GLI2: variants seen among roughly 807,000 people sequenced by gnomAD.
GLI2 encodes transcription activator GLI2.
In GLI2, 22 loss-of-function variants were observed where a neutral mutation model predicts 78.9. The observed-to-expected ratio is 0.28, with a 90% CI of 0.20 to 0.40. GLI2 has a LOEUF of 0.40. Ranked by LOEUF, GLI2 falls within the 10% of genes least tolerant of loss-of-function variation. The probability of loss-of-function intolerance (pLI) is 1.00; values close to 1 mark genes in which losing one functional copy is unlikely to be tolerated. For synonymous variants in GLI2, 974 were observed against 963.7 expected (o/e 1.01, Z -0.20); for missense variants, 2,097 against 2,213.2 (o/e 0.95, Z 1.05).
intron 1 of GLI2, among the ~76,000 whole-genome samples, chr2:120,753,321 CGTGACTTCAGGTGATCTA>C (rs1682935443): frequency 1.3e-5 from 2 of 152,080 alleles, no homozygotes; most frequent in Non-Finnish European, 2.9e-5. Context: ...GTTTCAAACT[CGTGACTTCAGGTGATCTA>C]CCTGCGTCGA....
chr2:120,904,866 G>C (rs1003746395), intron 2 of GLI2, among the ~76,000 whole-genome samples: 1 of 152,200 alleles, frequency 6.6e-6, no homozygotes, highest in African/African-American at 2.4e-5. Context: ...TGGCCCCTGT[G>C]CTTCGGCCTC....
chr2:120,841,814 G>C (rs1686885251), intron 2 of GLI2, among the ~76,000 whole-genome samples: 1 of 150,304 alleles, frequency 6.7e-6, no homozygotes, highest in African/African-American at 2.5e-5. Flanking sequence ...TGGTTCCCCA[G>C]TTGGGAGGAG....
rs114466550 is a variant in GLI2 at position 120,919,944 on chromosome 2, C to T, written c.149-7417C>T. 3.7e-3 allele frequency among the ~76,000 whole-genome samples: 570 copies of T among 152,366 alleles called. 2 individuals carry two copies. The highest frequency in any genetic ancestry group is 0.012 in the African/African-American group (481 of 41,592). On this transcript the variant is annotated intron_variant, in intron 2 of 13. Coordinates refer to ENST00000361492, the MANE Select transcript of GLI2 (RefSeq NM_001374353.1). ...GCACTGAGATGTGTTTGCGCTGCCTCGTCGTAACACAGACCTGTATGGTGC... is the reference window on the plus strand; with the variant it reads ...GCACTGAGATGTGTTTGCGCTGCCTTGTCGTAACACAGACCTGTATGGTGC...
intron 2 of GLI2, among the ~76,000 whole-genome samples, chr2:120,906,546 C>G (rs1383254293): frequency 1.3e-5 from 2 of 152,148 alleles, no homozygotes; most frequent in East Asian, 3.9e-4. Context: ...TCTTTACACA[C>G]TGGCCGTGTA....
rs1677962082 is a variant in GLI2, at chr2:120,896,655, A to G, written c.149-30706A>G. Reference sequence around the variant, plus strand: ...AACACACATACACACACACACACACACACACATACACCCACCCCCCCACAC... The same window carrying G: ...AACACACATACACACACACACACACGCACACATACACCCACCCCCCCACAC... On this transcript the variant is annotated intron_variant, in intron 2 of 13. Transcript: ENST00000361492. 8.6e-5 allele frequency among the ~76,000 whole-genome samples: 5 copies of G among 58,138 alleles called. No homozygotes were observed. The South Asian group carries it at 4.4e-3, about 51-fold the overall frequency. The allele number at this position is 58,138 out of a possible 152,430, so 38.1% of individuals were successfully genotyped here.
chr2:120,961,666 G>A lies in GLI2; in HGVS notation c.643+6236G>A, dbSNP rs184773890. On this transcript the variant is annotated intron_variant, in intron 5 of 13. Transcript: ENST00000361492. ...GGGTGAGAGGGCTGTGGATGGCTAG[G>A]TGTGGGGGGCATTAAGGTCCTCAGG... Among the ~76,000 whole-genome samples, 89 of 152,304 alleles carry A rather than the reference G, an allele frequency of 5.8e-4. No homozygotes were observed. In the East Asian group the frequency reaches 0.015, roughly 25 times the overall value.
At chr2:120,836,433 G>A (rs1686614337) in intron 2 of GLI2, among the ~76,000 whole-genome samples, 1 of 152,066 alleles carries the variant, frequency 6.6e-6, no homozygotes, top group Non-Finnish European at 1.5e-5. Context: ...CTCCGTAGAC[G>A]CCACAATAAA....
rs1375945140 is a variant in GLI2, at chr2:120,988,543, G to A, written c.2578G>A (p.Gly860Arg). 8 of 1,504,096 alleles carry A rather than the reference G, an allele frequency of 5.3e-6. No homozygotes were observed. The highest frequency in any genetic ancestry group is 2.7e-5 in the East Asian group (1 of 36,746). 93.2% of individuals were successfully genotyped at this position (1,504,096 alleles called of 1,614,324 possible). ...SEASQCSGGS[G>R]LLNLTPAQQY... ...GGCCAGCCAGTGCAGCGGCGGCTCC[G>A]GGCTGCTCAACCTCACGCCGGCGCA... Residue 860 changes from glycine to arginine, a missense_variant, in exon 14 of 14, where the codon GGG becomes AGG. Coordinates refer to ENST00000361492, the MANE Select transcript of GLI2 (RefSeq NM_001374353.1).
chr2:120,748,931 TCCATCCATCTAC>T (rs1343342660), intron 1 of GLI2, among the ~76,000 whole-genome samples: 1 of 152,024 alleles, frequency 6.6e-6, no homozygotes, highest in African/African-American at 2.4e-5. Context: ...CACCCATTCA[TCCATCCATCTAC>T]CCATCCATCC....
chr2:120,823,453 G>C (rs546404993), intron 2 of GLI2, among the ~76,000 whole-genome samples: 1 of 152,150 alleles, frequency 6.6e-6, no homozygotes, highest in African/African-American at 2.4e-5. Flanking sequence ...GACATCACTC[G>C]CCCAGTACAC....
rs536612830 is a variant in GLI2 at position 120,807,846 on chromosome 2, A to AC, written c.148+10385dup. Among the ~76,000 whole-genome samples the AC allele has an allele frequency of 4.8e-3, 625 of 131,434 alleles. 7 individuals carry two copies. The highest frequency in any genetic ancestry group is 0.016 in the African/African-American group (581 of 36,116). 86.2% of individuals were successfully genotyped at this position (131,434 alleles called of 152,430 possible). On this transcript the variant is annotated intron_variant, in intron 2 of 13. Transcript: ENST00000361492. ...CCTGTGTGCACGGCTTGCTTGGACC[A>AC]CCCCCCCACACACCTCCCCGCCCCC...
chr2:120,816,460 G>A (rs931433617), intron 2 of GLI2, among the ~76,000 whole-genome samples: 6 of 151,932 alleles, frequency 3.9e-5, no homozygotes, highest in African/African-American at 1.5e-4. Context: ...CTCCCAAAGT[G>A]CTGGGATTAC....
intron 1 of GLI2, among the ~76,000 whole-genome samples, chr2:120,773,612 T>C (rs577406509): frequency 6.6e-6 from 1 of 152,266 alleles, no homozygotes; most frequent in African/African-American, 2.4e-5. Flanking sequence ...TGTTGCGTGC[T>C]TGGGTACAGT....
At chr2:120,812,733 A>T (rs867986674) in intron 2 of GLI2, among the ~76,000 whole-genome samples, 1 of 152,216 alleles carries the variant, frequency 6.6e-6, no homozygotes, top group African/African-American at 2.4e-5. Context: ...CGTCCTTGGC[A>T]TGCGGGCTCT....
intron 1 of GLI2, among the ~76,000 whole-genome samples, chr2:120,777,005 G>T (rs1298220976): frequency 1.3e-5 from 2 of 152,234 alleles, no homozygotes; most frequent in Non-Finnish European, 2.9e-5. Context: ...TGAGAGGTGG[G>T]CACCTGACAC....
At chr2:120,855,506 G>A (rs946513239) in intron 2 of GLI2, among the ~76,000 whole-genome samples, 9 of 152,248 alleles carry the variant, frequency 5.9e-5, no homozygotes, top group African/African-American at 1.9e-4. Flanking sequence ...GGGTGAAGGT[G>A]CAGTGAAGTG....
Position 120,986,373 on chromosome 2 carries a change from G to C in GLI2, c.2001G>C (p.Pro667=), listed in dbSNP as rs569760606. The C allele has an allele frequency of 6.2e-7, 1 of 1,613,422 alleles. No individual in the cohort carries two copies. Among genetic ancestry groups the C allele is most frequent in the Non-Finnish European group, 8.5e-7 (1 of 1,179,922 alleles). The stretch of plus-strand genomic sequence containing the variant: ...ACAATGACAGTGGCGTGGAGATGCC[G>C]GGGACGGGGCCCGGGAGCCTGGGAG... ...APNNDSGVEM[P]GTGPGSLGDL... is the part of the protein sequence containing the mutation. The change falls in exon 13 of 14, where the codon CCG becomes CCC. Residue 667 remains proline, a synonymous_variant. Transcript: ENST00000361492.
chr2:120,831,770 C>T (rs1196182814), intron 2 of GLI2, among the ~76,000 whole-genome samples: 1 of 152,174 alleles, frequency 6.6e-6, no homozygotes, highest in African/African-American at 2.4e-5. Context: ...TACCAACTCA[C>T]CCAACTCTCC....
chr2:120,768,529 G>T (rs938538907), intron 1 of GLI2, among the ~76,000 whole-genome samples: 2 of 152,230 alleles, frequency 1.3e-5, no homozygotes, highest in African/African-American at 4.8e-5. Flanking sequence ...AGAGTGACTT[G>T]TTGCACAATG....
Sources: allele counts gnomAD v4.1 joint callset (sites outside exome capture counted in the v4.1 genomes callset), GRCh38; gene constraint gnomAD v4.1.1; transcripts MANE v1.5; gene names NCBI Gene and HGNC (gene_info 2026-07-23, HGNC 2026-07-21).